Variants in ARK2C observed in about 807,000 individuals in gnomAD.
ARK2C encodes the protein arkadia (RNF111) C-terminal like ring finger ubiquitin ligase 2C, also known as E3 ubiquitin-protein ligase ARK2C.
At chr18:46,365,680 T>G in the ARK2C span, among the ~76,000 whole-genome samples, 1 of 152,094 alleles carries the variant, frequency 6.6e-6, no homozygotes, top group Non-Finnish European at 1.5e-5. Context: ...ATTTTTATAT[T>G]TTTTAGTAGA....
At chr18:46,350,507 G>C in the ARK2C span, among the ~76,000 whole-genome samples, 17 of 152,190 alleles carry the variant, frequency 1.1e-4, no homozygotes, top group Non-Finnish European at 1.9e-4. Flanking sequence ...GGTGTCAAGA[G>C]GGGCAAGCAT....
At chr18:46,381,227 C>A in the ARK2C span, among the ~76,000 whole-genome samples, 9 of 152,254 alleles carry the variant, frequency 5.9e-5, no homozygotes, top group African/African-American at 2.2e-4. Flanking sequence ...TCTTCTGTGG[C>A]CAAAGCCTGA....
the ARK2C span, chr18:46,456,658 A>G: frequency 5.2e-6 from 8 of 1,535,510 alleles, no homozygotes; most frequent in Non-Finnish European, 7.2e-6. Context: ...GCCAGTGGAC[A>G]CCCCATTTCC....
chr18:46,376,394 C>T, the ARK2C span, among the ~76,000 whole-genome samples: 5 of 152,220 alleles, frequency 3.3e-5, no homozygotes, highest in Non-Finnish European at 5.9e-5. Flanking sequence ...GAGGCCACAG[C>T]GTGGCCCTGG....
the ARK2C span, among the ~76,000 whole-genome samples, chr18:46,445,549 G>A: frequency 6.6e-6 from 1 of 152,148 alleles, no homozygotes; most frequent in Non-Finnish European, 1.5e-5. Flanking sequence ...CTCCTTCTAT[G>A]TAGCTGCCTC....
chr18:46,386,780 G>A, the ARK2C span: 2 of 152,210 alleles, frequency 1.3e-5, no homozygotes, highest in African/African-American at 4.8e-5. Flanking sequence ...TGGACATGCG[G>A]CTCTCAGAGG....
the ARK2C span, among the ~76,000 whole-genome samples, chr18:46,381,880 C>T: frequency 6.6e-6 from 1 of 151,878 alleles, no homozygotes; most frequent in African/African-American, 2.4e-5. Context: ...GGGTTTCAGG[C>T]ACCACCGGCG....
At chr18:46,398,925 G>A in the ARK2C span, among the ~76,000 whole-genome samples, 1 of 152,118 alleles carries the variant, frequency 6.6e-6, no homozygotes, top group African/African-American at 2.4e-5. Context: ...CAGTGGTTCT[G>A]AAACCTCACT....
the ARK2C span, among the ~76,000 whole-genome samples, chr18:46,380,835 G>A: frequency 3.3e-5 from 5 of 152,216 alleles, no homozygotes; most frequent in Admixed American, 2.6e-4. Flanking sequence ...CCTTCCTGCA[G>A]GTCCCCATCA....
the ARK2C span, among the ~76,000 whole-genome samples, chr18:46,364,122 GT>G: frequency 6.6e-6 from 1 of 151,084 alleles, no homozygotes; most frequent in Admixed American, 6.6e-5. Context: ...TAATTTTTGT[GT>G]TTTTAATAGA....
At chr18:46,416,777 G>A in the ARK2C span, among the ~76,000 whole-genome samples, 2 of 152,218 alleles carry the variant, frequency 1.3e-5, no homozygotes, top group Admixed American at 1.3e-4. Context: ...CAGCAGGTTA[G>A]CCTGGGCTTG....
At chr18:46,419,869 C>T in the ARK2C span, among the ~76,000 whole-genome samples, 331 of 152,306 alleles carry the variant, frequency 2.2e-3, 2 homozygotes, top group African/African-American at 7.3e-3. Context: ...TTTGTTATCT[C>T]TCTTCCCCTG....
chr18:46,424,999 C>T, the ARK2C span, among the ~76,000 whole-genome samples: 27 of 152,322 alleles, frequency 1.8e-4, no homozygotes, highest in Admixed American at 1.6e-3. Context: ...GCCCTGTGGC[C>T]GGCTGTCCTG....
chr18:46,440,385 T>G, the ARK2C span, among the ~76,000 whole-genome samples: 1 of 152,230 alleles, frequency 6.6e-6, no homozygotes, highest in South Asian at 2.1e-4. Context: ...TGTGCCTAAT[T>G]TATAAATTAA....
At chr18:46,377,635 A>G in the ARK2C span, among the ~76,000 whole-genome samples, 7 of 152,152 alleles carry the variant, frequency 4.6e-5, no homozygotes, top group South Asian at 1.5e-3. Context: ...GGCACATATG[A>G]AGGCTCTATG....
chr18:46,369,711 G>T, the ARK2C span, among the ~76,000 whole-genome samples: 1 of 152,092 alleles, frequency 6.6e-6, no homozygotes, highest in African/African-American at 2.4e-5. Flanking sequence ...AAACCCTAAA[G>T]GTAACTCATA....
the ARK2C span, among the ~76,000 whole-genome samples, chr18:46,358,993 A>T: frequency 6.6e-6 from 1 of 152,074 alleles, no homozygotes. Context: ...GGGTCAGGAG[A>T]GCTAGGCTCG....
the ARK2C span, among the ~76,000 whole-genome samples, chr18:46,413,943 T>G: frequency 6.6e-6 from 1 of 152,198 alleles, no homozygotes; most frequent in Non-Finnish European, 1.5e-5. Flanking sequence ...CACTGTAATC[T>G]AAACCACATA....
chr18:46,378,837 G>C, the ARK2C span, among the ~76,000 whole-genome samples: 110 of 152,172 alleles, frequency 7.2e-4, no homozygotes, highest in Admixed American at 2.6e-4. Context: ...CACAACGGAG[G>C]GGGTGCAGGA....
Sources: allele counts gnomAD v4.1 joint callset (sites outside exome capture counted in the v4.1 genomes callset), GRCh38; gene constraint gnomAD v4.1.1; transcripts MANE v1.5; gene names NCBI Gene and HGNC (gene_info 2026-07-23, HGNC 2026-07-21).